TSPEAR: variants seen among roughly 807,000 people sequenced by gnomAD.
TSPEAR encodes the protein thrombospondin type laminin G domain and EAR repeats.
Under a neutral mutation model 71.6 loss-of-function variants are expected in TSPEAR, and 69 were observed. The ratio of observed to expected loss-of-function variants is 0.96; its 90% CI spans 0.79 to 1.18. The LOEUF is 1.18. Ranked by LOEUF, TSPEAR falls within the 50% of genes most tolerant of loss-of-function variation. The pLI, the probability that TSPEAR is intolerant of heterozygous loss-of-function variation, is 0.00. For synonymous variants in TSPEAR, 402 were observed against 387.2 expected, an observed-to-expected ratio of 1.04 and a Z score of -0.45; for missense variants, 971 against 894.9, an observed-to-expected ratio of 1.09 and a Z score of -1.09.
Position 44,509,468 on chromosome 21 carries a change from A to AGGGGGT in TSPEAR, c.1567-83_1567-82insACCCCC, listed in dbSNP as rs2052295567. The stretch of plus-strand genomic sequence containing the variant: ...GGGAGCGGGCGCAGAGGTGTGGGGG[A>AGGGGGT]GCGGGCGCAGAGGTGTGGGGGAGGG... On this transcript the variant is annotated intron_variant, in intron 9 of 11. Transcript: ENST00000323084. The AGGGGGT allele has an allele frequency of 2.1e-5, 6 of 288,576 alleles. No homozygotes were observed. In the African/African-American group the frequency reaches 2.6e-4, roughly 12 times the overall value. The allele number at this position is 288,576 out of a possible 1,614,324, so 17.9% of individuals were successfully genotyped here.
intron 8 of TSPEAR, among the ~76,000 whole-genome samples, chr21:44,523,457 A>C (rs1474208511): frequency 2.0e-5 from 3 of 151,660 alleles, no homozygotes; most frequent in Admixed American, 6.6e-5. Context: ...GTAGTTAATA[A>C]GGTAATCAGT....
chr21:44,541,151 G>C (rs908036242), intron 2 of TSPEAR, among the ~76,000 whole-genome samples: 1 of 152,044 alleles, frequency 6.6e-6, no homozygotes, highest in African/African-American at 2.4e-5. Flanking sequence ...TTCTTCAAAC[G>C]TAAGCTGCAT....
At position 44,528,528 on chromosome 21, in the gene TSPEAR, G is replaced by A. The variant is rs1039830781; in HGVS notation, c.846C>T (p.Asp282=). Reference sequence around the variant, plus strand: ...GGCTGGCATCAAACCAGAACTGGGCGTCTTCCACCTCGGTACACGGTGGCT... The same window carrying A: ...GGCTGGCATCAAACCAGAACTGGGCATCTTCCACCTCGGTACACGGTGGCT... ...GPQPPCTEVE[D]AQFWFDASRK... is the part of the protein sequence containing the mutation. Residue 282 remains aspartate (D), a synonymous_variant, in exon 6 of 12, where the codon GAC becomes GAT. Transcript: ENST00000323084. 6.8e-6 allele frequency: 11 copies of A among 1,614,038 alleles called. No individual in the cohort carries two copies. The highest frequency in any genetic ancestry group is 2.7e-5 in the African/African-American group (2 of 74,932).
intron 1 of TSPEAR, among the ~76,000 whole-genome samples, chr21:44,614,573 C>T (rs1043163965): frequency 2.0e-5 from 3 of 152,346 alleles, no homozygotes; most frequent in Non-Finnish European, 2.9e-5. Flanking sequence ...GGCCGGGCTC[C>T]GGAACGTTCC....
Position 44,555,320 on chromosome 21 carries a change from G to A in TSPEAR, c.303+12465C>T, listed in dbSNP as rs374976251. Among the ~76,000 whole-genome samples the A allele has an allele frequency of 3.3e-5, 5 of 152,154 alleles. No homozygotes were observed. The South Asian group carries it at 6.2e-4, about 19-fold the overall frequency. On this transcript the variant is annotated intron_variant, in intron 2 of 11. Transcript: ENST00000323084. ...AACAGTAACGGGAGGGAAAAGAGACGTCTCCCAGGTCCGACGGCTGCCGGG... is the reference window on the plus strand; with the variant it reads ...AACAGTAACGGGAGGGAAAAGAGACATCTCCCAGGTCCGACGGCTGCCGGG...
chr21:44,549,465 A>G (rs2053362309), intron 2 of TSPEAR, among the ~76,000 whole-genome samples: 1 of 152,226 alleles, frequency 6.6e-6, no homozygotes, highest in African/African-American at 2.4e-5. Context: ...AACGCTGTAC[A>G]CCTTGCTGAA....
chr21:44,521,263 C>T (rs1231658239), intron 9 of TSPEAR, among the ~76,000 whole-genome samples: 2 of 152,216 alleles, frequency 1.3e-5, no homozygotes, highest in East Asian at 1.9e-4. Flanking sequence ...TCTCGTACTC[C>T]GCACCTCTGC....
At chr21:44,701,776 C>T (rs1267639117) in intron 1 of TSPEAR, among the ~76,000 whole-genome samples, 2 of 152,110 alleles carry the variant, frequency 1.3e-5, no homozygotes, top group Non-Finnish European at 2.9e-5. Flanking sequence ...ACCTGCCACT[C>T]CCCTCCGGCT....
chr21:44,637,257 A>C, intron 1 of TSPEAR: 1 of 1,003,462 alleles, frequency 1.0e-6, no homozygotes, highest in South Asian at 1.6e-5. Context: ...CCCGGCTCCA[A>C]ACACCAACAC....
chr21:44,642,113 A>G lies in TSPEAR; in HGVS notation c.82+69320T>C, dbSNP rs966416770. On this transcript the variant is annotated intron_variant, in intron 1 of 11. Coordinates refer to ENST00000323084, the MANE Select transcript of TSPEAR (RefSeq NM_144991.3). The surrounding 1 kb of genome is among the most constrained non-coding windows in gnomAD (Gnocchi z 4.1). ...TTCAGTATAAGAAAATAGTATGGGT[A>G]TATTTATCCTAAAATTTGGAAATAT... Among the ~76,000 whole-genome samples the G allele has an allele frequency of 1.3e-5, 2 of 152,232 alleles. No homozygotes were observed. The highest frequency in any genetic ancestry group is 4.8e-5 in the African/African-American group (2 of 41,462).
At chr21:44,620,679 T>A (rs1380348892) in intron 1 of TSPEAR, among the ~76,000 whole-genome samples, 3 of 152,242 alleles carry the variant, frequency 2.0e-5, no homozygotes, top group Non-Finnish European at 4.4e-5. Flanking sequence ...TGCACTCTAG[T>A]CTTTATTTTC....
At chr21:44,500,370 C>T (rs1292667939) in intron 11 of TSPEAR, among the ~76,000 whole-genome samples, 4 of 152,238 alleles carry the variant, frequency 2.6e-5, no homozygotes, top group Admixed American at 6.5e-5. Context: ...TGCGGCCCCA[C>T]GTCAGGGGCT....
Position 44,538,422 on chromosome 21 carries a change from G to GC in TSPEAR, c.304-4500dup, listed in dbSNP as rs57097547. On this transcript the variant is annotated intron_variant, in intron 2 of 11. Coordinates refer to ENST00000323084, the MANE Select transcript of TSPEAR (RefSeq NM_144991.3). ...TCCCTACACCTGTGTGGAAACTGCT[G>GC]CCCCCCCCCCCCCCAAGAGGAGAAC... is the stretch of plus-strand genomic sequence containing the variant. 2.0e-3 allele frequency among the ~76,000 whole-genome samples: 233 copies of GC among 113,710 alleles called. 4 individuals are homozygous for GC. The highest frequency in any genetic ancestry group is 8.6e-3 in the South Asian group (26 of 3,034). 74.6% of individuals were successfully genotyped at this position (113,710 alleles called of 152,430 possible). A position where few individuals can be genotyped will look rare whatever the true frequency, so the allele number is the denominator to read the frequency against.
Position 44,501,546 on chromosome 21 carries a change from G to A in TSPEAR, c.1857-1610C>T, listed in dbSNP as rs587618641. ...CAGGAGGCGGAGCTTGCAGTGTGCC[G>A]AGACTGGGCCACTGCACTCCAGCTT... On this transcript the variant is annotated intron_variant, in intron 11 of 11. Transcript: ENST00000323084. Among the ~76,000 whole-genome samples the A allele has an allele frequency of 4.3e-3, 653 of 152,238 alleles. 6 individuals are homozygous for A. The highest frequency in any genetic ancestry group is 0.015 in the African/African-American group (617 of 41,526).
chr21:44,582,815 T>C (rs587757473), intron 1 of TSPEAR, among the ~76,000 whole-genome samples: 1 of 136,902 alleles, frequency 7.3e-6, no homozygotes, highest in Non-Finnish European at 1.5e-5. Flanking sequence ...TTTCTTTCTC[T>C]TTCTTTCTTT....
chr21:44,652,304 T>A (rs587615389), intron 1 of TSPEAR, among the ~76,000 whole-genome samples: 1 of 152,294 alleles, frequency 6.6e-6, no homozygotes, highest in Admixed American at 6.5e-5. Context: ...AAGTTTAATT[T>A]TTTTCCTTAG....
intron 2 of TSPEAR, among the ~76,000 whole-genome samples, chr21:44,565,528 G>T (rs997856166): frequency 2.0e-5 from 3 of 152,100 alleles, no homozygotes; most frequent in Admixed American, 6.5e-5. Flanking sequence ...ATGGCTAAAT[G>T]GGATTTATCC....
chr21:44,604,396 A>G (rs1555929474), intron 1 of TSPEAR, among the ~76,000 whole-genome samples: 1 of 152,224 alleles, frequency 6.6e-6, no homozygotes, highest in African/African-American at 2.4e-5. Flanking sequence ...AAGATGTCCA[A>G]TGGCCAAAAA....
Position 44,509,385 on chromosome 21 carries a change from G to GT in TSPEAR, c.1567dup (p.Thr523AsnfsTer35). ...GACCTCCCAGTCTGCAGCACCGAAC[G>GT]TCTAGGACCAAAGGAGAGCAGGTGC... On this transcript the variant is annotated frameshift_variant and splice_region_variant, in exon 10 of 12. Transcript: ENST00000323084. LOFTEE classifies it high-confidence loss of function. The GT allele has an allele frequency of 1.2e-6, 2 of 1,610,948 alleles. No individual in the cohort carries two copies. Among genetic ancestry groups the GT allele is most frequent in the Non-Finnish European group, 1.7e-6 (2 of 1,178,478 alleles).
Sources: allele counts gnomAD v4.1 joint callset (sites outside exome capture counted in the v4.1 genomes callset), GRCh38; gene constraint gnomAD v4.1.1; non-coding constraint Gnocchi (gnomAD v3.1); transcripts MANE v1.5; gene names NCBI Gene and HGNC (gene_info 2026-07-23, HGNC 2026-07-21).